The following PTPN13 variants were observed in gnomAD, a reference collection of about 807,000 sequenced individuals.
The protein encoded by PTPN13 is protein tyrosine phosphatase non-receptor type 13.
A neutral mutation model predicts 284.0 loss-of-function variants in PTPN13; 191 were observed. That is an observed-to-expected ratio of 0.67 (90% CI 0.60 to 0.76). PTPN13 has a LOEUF of 0.76. PTPN13 is among the 30% of genes least tolerant of loss of function. The probability of loss-of-function intolerance (pLI) is 0.00; values close to 1 mark genes in which losing one functional copy is unlikely to be tolerated. For synonymous variants in PTPN13, 986 were observed against 1,022.3 expected, an observed-to-expected ratio of 0.96 and a Z score of 0.68; for missense variants, 2,797 against 2,939.9, an observed-to-expected ratio of 0.95 and a Z score of 1.12.
intron 41 of PTPN13, 34 bp downstream of exon 41, chr4:86,796,963 T>TTCTATCTA (rs143433323): frequency 0.098 from 122,055 of 1,251,630 alleles, 7,077 homozygotes; most frequent in Non-Finnish European, 0.11. Context: ...TCCATAATGC[T>TTCTATCTA]TCTGTCTATC....
intron 2 of PTPN13, among the ~76,000 whole-genome samples, chr4:86,640,752 A>G (rs1408444761): frequency 6.6e-6 from 1 of 152,218 alleles, no homozygotes; most frequent in Non-Finnish European, 1.5e-5. Context: ...ATAGAGATCA[A>G]ATGAATATAA....
At chr4:86,686,857 T>C in intron 4 of PTPN13, 82 bp downstream of exon 4, 1 of 925,224 alleles carries the variant, frequency 1.1e-6, no homozygotes, top group African/African-American at 1.7e-5. Context: ...CACACGTTTA[T>C]ACGTGTTCTA....
intron 7 of PTPN13, among the ~76,000 whole-genome samples, chr4:86,714,535 G>GT (rs1199834491): frequency 6.6e-6 from 1 of 152,104 alleles, no homozygotes; most frequent in South Asian, 2.1e-4. Flanking sequence ...ACATTCTTCT[G>GT]TGGGGGGGAA....
intron 41 of PTPN13, among the ~76,000 whole-genome samples, chr4:86,798,765 AAAG>A (rs1174190455): frequency 3.3e-5 from 5 of 152,226 alleles, no homozygotes; most frequent in African/African-American, 4.8e-5. Flanking sequence ...CAGATGCTGA[AAAG>A]AAGGAGAAAG....
chr4:86,772,793 A>G lies in PTPN13; in HGVS notation c.5184A>G (p.Leu1728=). ...GTCTCTGTAGTAATCCTTCCCCTCTACCACCGGATATGGCTCCTGGGCAGA... is the reference window on the plus strand; with the variant it reads ...GTCTCTGTAGTAATCCTTCCCCTCTGCCACCGGATATGGCTCCTGGGCAGA... ...PEFEDSNPSP[L]PPDMAPGQSY... is the part of the protein sequence containing the mutation. Residue 1728 remains leucine, a synonymous_variant, in exon 32 of 48, where the codon CTA becomes CTG. Transcript: ENST00000411767. The G allele has an allele frequency of 8.7e-6, 14 of 1,604,814 alleles. No individual in the cohort carries two copies. The highest frequency in any genetic ancestry group is 1.1e-5 in the Non-Finnish European group (13 of 1,176,948).
intron 47 of PTPN13, among the ~76,000 whole-genome samples, chr4:86,813,024 G>A (rs1173597161): frequency 6.6e-6 from 1 of 152,122 alleles, no homozygotes; most frequent in Non-Finnish European, 1.5e-5. Flanking sequence ...GTTGTATGTG[G>A]TGTCAGAGAA....
chr4:86,787,110 A>C (rs1742017715), intron 40 of PTPN13, among the ~76,000 whole-genome samples: 1 of 152,078 alleles, frequency 6.6e-6, no homozygotes, highest in African/African-American at 2.4e-5. Context: ...TCTCAAAAAA[A>C]AAAAAGTCAT....
intron 2 of PTPN13, 21 bp downstream of exon 2, chr4:86,635,392 C>CTGT (rs760961834): frequency 1.0e-5 from 16 of 1,545,386 alleles, no homozygotes; most frequent in African/African-American, 2.7e-5. Context: ...GCTGCTGCTG[C>CTGT]TGTTGTTGTT....
At chr4:86,655,354 T>C (rs904669672) in intron 2 of PTPN13, among the ~76,000 whole-genome samples, 2 of 152,234 alleles carry the variant, frequency 1.3e-5, no homozygotes, top group Admixed American at 1.3e-4. Flanking sequence ...CTTTACAATT[T>C]GGCATGTTTT....
chr4:86,752,785 A>C (rs1008419007), intron 19 of PTPN13, among the ~76,000 whole-genome samples: 1 of 152,182 alleles, frequency 6.6e-6, no homozygotes, highest in Non-Finnish European at 1.5e-5. Flanking sequence ...GTATTGTCAG[A>C]AACAATATAT....
In PTPN13 at chr4:86,741,540, G is replaced by T. The variant is rs1024814511; in HGVS notation, c.2305-94G>T. 4.6e-6 allele frequency: 5 copies of T among 1,092,798 alleles called. No homozygotes were observed. The East Asian group carries it at 7.6e-5, about 17-fold the overall frequency. The allele number at this position is 1,092,798 out of a possible 1,614,324, so 67.7% of individuals were successfully genotyped here. On this transcript the variant is annotated intron_variant, in intron 15 of 47. Coordinates refer to ENST00000411767, the MANE Select transcript of PTPN13 (RefSeq NM_080683.3). Reference sequence around the variant, plus strand: ...TGTGGGAATTCAAGATGAGATTTGTGGGGGGACACGGCCAAACCATATCAT... The same window carrying T: ...TGTGGGAATTCAAGATGAGATTTGTTGGGGGACACGGCCAAACCATATCAT...
rs139937114 is a variant in PTPN13, at chr4:86,699,836, C to T, written c.635-1405C>T. Reference sequence around the variant, plus strand: ...AATAAAATTTTAAATTAATGAGTTCCAAATGTGGTTTGTTTAAGAATATAA... The same window carrying T: ...AATAAAATTTTAAATTAATGAGTTCTAAATGTGGTTTGTTTAAGAATATAA... On this transcript the variant is annotated intron_variant, in intron 6 of 47. Transcript: ENST00000411767. Among the ~76,000 whole-genome samples, 849 of 151,972 alleles carry T rather than the reference C, an allele frequency of 5.6e-3. 7 individuals carry two copies. The highest frequency in any genetic ancestry group is 0.018 in the African/African-American group (755 of 41,436).
intron 5 of PTPN13, among the ~76,000 whole-genome samples, chr4:86,690,723 TTC>T (rs1178915740): frequency 6.6e-6 from 1 of 151,912 alleles, no homozygotes; most frequent in Non-Finnish European, 1.5e-5. Context: ...AGATATTTTT[TTC>T]TGTCTTTGAA....
At chr4:86,672,667 A>G in intron 3 of PTPN13, 124 bp downstream of exon 3, 1 of 707,078 alleles carries the variant, frequency 1.4e-6, no homozygotes, top group South Asian at 2.7e-5. Flanking sequence ...GTGTATTCCA[A>G]GAAGTTCAGT....
At chr4:86,657,045 T>C (rs1425785774) in intron 2 of PTPN13, among the ~76,000 whole-genome samples, 4 of 152,216 alleles carry the variant, frequency 2.6e-5, no homozygotes, top group Non-Finnish European at 4.4e-5. Flanking sequence ...TATTATCTCT[T>C]GGTGTGCCGT....
chr4:86,773,003 AAAGAAGGTGT>A, intron 32 of PTPN13, 45 bp downstream of exon 32: 1 of 1,364,978 alleles, frequency 7.3e-7, no homozygotes, highest in Non-Finnish European at 9.8e-7. Context: ...ATATTTTTTA[AAAGAAGGTGT>A]GTTCATAAAG....
At chr4:86,660,123 T>A (rs1726310062) in intron 2 of PTPN13, among the ~76,000 whole-genome samples, 1 of 152,158 alleles carries the variant, frequency 6.6e-6, no homozygotes, top group Non-Finnish European at 1.5e-5. Flanking sequence ...ACAGCAATCA[T>A]CTCAAATTTA....
At chr4:86,638,094 T>A (rs1346101597) in intron 2 of PTPN13, among the ~76,000 whole-genome samples, 3 of 152,094 alleles carry the variant, frequency 2.0e-5, no homozygotes. Context: ...TCAAAGAGAA[T>A]AAAATACTTA....
intron 3 of PTPN13, among the ~76,000 whole-genome samples, chr4:86,680,569 A>G (rs1007543804): frequency 1.3e-5 from 2 of 152,138 alleles, no homozygotes; most frequent in Non-Finnish European, 2.9e-5. Flanking sequence ...GACTTTTGTC[A>G]TATCTCCTAA....
Sources: gnomAD v4.1 joint callset for allele counts (sites outside exome capture counted in the v4.1 genomes callset) on GRCh38, gnomAD v4.1.1 for gene constraint, MANE v1.5 for transcripts, NCBI Gene and HGNC (gene_info 2026-07-23, HGNC 2026-07-21) for gene names.